Variants in SNTB1 observed in about 807,000 individuals in gnomAD.
The protein encoded by SNTB1 is beta-1-syntrophin.
In SNTB1, 36 loss-of-function variants were observed where a neutral mutation model predicts 48.9. The observed-to-expected ratio is 0.74, with a 90% CI of 0.56 to 0.97. The LOEUF is 0.97. Among genes scored for constraint, SNTB1 ranks in the 50% least tolerant of loss-of-function variants. SNTB1 has a pLI of 0.00. For synonymous variants in SNTB1, 299 were observed against 294.6 expected, an observed-to-expected ratio of 1.01 and a Z score of -0.15; for missense variants, 786 against 703.4, an observed-to-expected ratio of 1.12 and a Z score of -1.33.
chr8:120,660,937 A>G (rs966739068), intron 2 of SNTB1, among the ~76,000 whole-genome samples: 6 of 152,234 alleles, frequency 3.9e-5, no homozygotes, highest in Admixed American at 2.6e-4. Flanking sequence ...GATGGAGCCG[A>G]CAGGATACAT....
intron 3 of SNTB1, among the ~76,000 whole-genome samples, chr8:120,615,564 T>A (rs1816699521): frequency 6.6e-6 from 1 of 152,222 alleles, no homozygotes; most frequent in African/African-American, 2.4e-5. Context: ...ATGAAGAATT[T>A]ATTGGATTTA....
rs1287565431 is a variant in SNTB1, at chr8:120,811,194, TGTGA to T, written c.571+75_571+78del. On this transcript the variant is annotated intron_variant, in intron 1 of 6. Transcript: ENST00000517992. ...GTGTGTCCGCATGTGGCCGAGTGAGTGTGAGTGTGAGCGTGCGGGTGGGAAGCCG... is the reference window on the plus strand; with the variant it reads ...GTGTGTCCGCATGTGGCCGAGTGAGTGTGTGAGCGTGCGGGTGGGAAGCCG... 3 of 1,504,316 alleles carry T rather than the reference TGTGA, an allele frequency of 2.0e-6. No homozygotes were observed. The African/African-American group carries it at 4.2e-5, about 21-fold the overall frequency. The allele number at this position is 1,504,316 out of a possible 1,614,324, so 93.2% of individuals were successfully genotyped here.
chr8:120,709,550 G>T (rs1484542112), intron 1 of SNTB1, among the ~76,000 whole-genome samples: 1 of 152,140 alleles, frequency 6.6e-6, no homozygotes, highest in Non-Finnish European at 1.5e-5. Context: ...AATGTCCAGG[G>T]TTTTACATAG....
rs923921385 is a variant in SNTB1, at chr8:120,654,902, A to G, written c.789-22251T>C. The G allele has an allele frequency of 6.7e-6, 3 of 446,238 alleles. No homozygotes were observed. In the Admixed American group the frequency reaches 7.6e-5, roughly 11 times the overall value. 27.6% of individuals were successfully genotyped at this position (446,238 alleles called of 1,614,324 possible). On this transcript the variant is annotated intron_variant, in intron 2 of 6. Coordinates refer to ENST00000517992, the MANE Select transcript of SNTB1 (RefSeq NM_021021.4). ...ACCTTTCCCCTCCAAGTGACTCTGGAGAAAACACAGATGAAACTAGTCAGG... is the reference window on the plus strand; with the variant it reads ...ACCTTTCCCCTCCAAGTGACTCTGGGGAAAACACAGATGAAACTAGTCAGG...
rs115839643 is a variant in SNTB1 at position 120,719,017 on chromosome 8, G to A, written c.572-25109C>T. 9.8e-3 allele frequency among the ~76,000 whole-genome samples: 1,491 copies of A among 152,278 alleles called. 24 individuals are homozygous for A. The highest frequency in any genetic ancestry group is 0.035 in the African/African-American group (1,443 of 41,558). ...TCACTATCTCAGAAGCAAACAGCAAGGTAAAAGTTTTGTCCAACAGCAGAG... is the reference window on the plus strand; with the variant it reads ...TCACTATCTCAGAAGCAAACAGCAAAGTAAAAGTTTTGTCCAACAGCAGAG... On this transcript the variant is annotated intron_variant, in intron 1 of 6. Transcript: ENST00000517992.
At position 120,811,882 on chromosome 8, in the gene SNTB1, G is replaced by C; in HGVS notation, c.-39C>G. On this transcript the variant is annotated 5_prime_UTR_variant, in exon 1 of 7. Coordinates refer to ENST00000517992, the MANE Select transcript of SNTB1 (RefSeq NM_021021.4). ...TTAAAATGCCATGTGATTGGAAAAG[G>C]GGGGAAAAGTGGGGAAGGGTGGCCG... 2.3e-6 allele frequency: 3 copies of C among 1,313,466 alleles called. No homozygotes were observed. Among genetic ancestry groups the C allele is most frequent in the Non-Finnish European group, 2.9e-6 (3 of 1,034,102 alleles). 81.4% of individuals were successfully genotyped at this position (1,313,466 alleles called of 1,614,324 possible).
At chr8:120,574,291 G>A (rs1815912078) in intron 4 of SNTB1, among the ~76,000 whole-genome samples, 1 of 152,184 alleles carries the variant, frequency 6.6e-6, no homozygotes, top group Non-Finnish European at 1.5e-5. Context: ...CTACTGTACA[G>A]CATAGCGCCT....
At chr8:120,561,030 A>G (rs1815646233) in intron 4 of SNTB1, among the ~76,000 whole-genome samples, 1 of 152,114 alleles carries the variant, frequency 6.6e-6, no homozygotes, top group African/African-American at 2.4e-5. Flanking sequence ...GTGGGGAAGG[A>G]AACAGAAGGG....
At chr8:120,713,278 C>A (rs1415021116) in intron 1 of SNTB1, among the ~76,000 whole-genome samples, 1 of 152,122 alleles carries the variant, frequency 6.6e-6, no homozygotes, top group East Asian at 1.9e-4. Context: ...ACCTTACATG[C>A]ATCTTTCAGT....
intron 1 of SNTB1, among the ~76,000 whole-genome samples, chr8:120,758,330 G>C (rs974916285): frequency 2.0e-5 from 3 of 152,094 alleles, no homozygotes; most frequent in African/African-American, 7.2e-5. Context: ...ATGGGTTGAG[G>C]GGAGGATATG....
chr8:120,547,569 G>A (rs1316882336), intron 5 of SNTB1, among the ~76,000 whole-genome samples: 2 of 143,130 alleles, frequency 1.4e-5, no homozygotes, highest in African/African-American at 5.4e-5. Flanking sequence ...TCCAGCCCAG[G>A]TGACAAGAGC....
chr8:120,719,936 C>T (rs1218009358), intron 1 of SNTB1, among the ~76,000 whole-genome samples: 4 of 152,218 alleles, frequency 2.6e-5, no homozygotes, highest in Non-Finnish European at 5.9e-5. Context: ...CCTCGCCTTC[C>T]TATTTGTAAA....
intron 1 of SNTB1, among the ~76,000 whole-genome samples, chr8:120,811,071 T>A (rs1292858018): frequency 6.6e-6 from 1 of 151,904 alleles, no homozygotes; most frequent in Non-Finnish European, 1.5e-5. Flanking sequence ...TGGAGACAAA[T>A]TGCCCCCAGG....
chr8:120,633,999 C>T (rs929106186), intron 2 of SNTB1, among the ~76,000 whole-genome samples: 2 of 152,126 alleles, frequency 1.3e-5, no homozygotes, highest in African/African-American at 4.8e-5. Context: ...TACTCCATCA[C>T]CACAAAGCAG....
intron 3 of SNTB1, among the ~76,000 whole-genome samples, chr8:120,593,870 G>C (rs1375027326): frequency 6.6e-6 from 1 of 152,078 alleles, no homozygotes; most frequent in East Asian, 1.9e-4. Context: ...TCTGGAAGAG[G>C]GGACATACCA....
At chr8:120,630,593 T>A (rs1321071356) in intron 3 of SNTB1, among the ~76,000 whole-genome samples, 1 of 152,212 alleles carries the variant, frequency 6.6e-6, no homozygotes, top group Non-Finnish European at 1.5e-5. Flanking sequence ...ACTCAGAAAC[T>A]TAACCAAGTG....
intron 2 of SNTB1, among the ~76,000 whole-genome samples, chr8:120,683,829 T>C (rs1444690585): frequency 2.0e-5 from 3 of 152,206 alleles, no homozygotes; most frequent in Non-Finnish European, 4.4e-5. Flanking sequence ...GCAATGAGGA[T>C]ATTTTGACTG....
chr8:120,566,495 C>T (rs1313573955), intron 4 of SNTB1, among the ~76,000 whole-genome samples: 1 of 151,996 alleles, frequency 6.6e-6, no homozygotes. Context: ...CTTGGACTTC[C>T]CAGTCTCCAG....
intron 3 of SNTB1, among the ~76,000 whole-genome samples, chr8:120,591,665 T>C (rs1371538905): frequency 6.6e-6 from 1 of 152,214 alleles, no homozygotes; most frequent in Non-Finnish European, 1.5e-5. Flanking sequence ...TATTCTGGCA[T>C]CTCTTCTTTT....
Sources: gnomAD v4.1 joint callset for allele counts (sites outside exome capture counted in the v4.1 genomes callset) on GRCh38, gnomAD v4.1.1 for gene constraint, MANE v1.5 for transcripts, NCBI Gene and HGNC (gene_info 2026-07-23, HGNC 2026-07-21) for gene names.